CNTRL: variants seen among roughly 807,000 people sequenced by gnomAD.
CNTRL encodes the protein 110 kDa centrosomal protein.
A neutral mutation model predicts 303.7 loss-of-function variants in CNTRL; 233 were observed. The ratio of observed to expected loss-of-function variants is 0.77; its 90% CI spans 0.69 to 0.86. The LOEUF (loss-of-function observed/expected upper bound fraction) is 0.86. Among genes scored for constraint, CNTRL ranks in the 40% least tolerant of loss-of-function variants. CNTRL has a pLI of 0.00. For missense variants in CNTRL, 2,524 were observed against 2,650.6 expected, an observed-to-expected ratio of 0.95 and a Z score of 1.05; for synonymous variants, 900 against 922.2, an observed-to-expected ratio of 0.98 and a Z score of 0.44.
Position 121,177,215 on chromosome 9 carries a change from A to G in CNTRL, c.*29A>G, listed in dbSNP as rs1394285047. On this transcript the variant is annotated 3_prime_UTR_variant, in exon 44 of 44. Transcript: ENST00000373855. ...ATACTGTCTTGTGTAAATATATTCA[A>G]GGAAAACACCTCCACTACCTCACTG... The G allele has an allele frequency of 2.5e-6, 4 of 1,588,656 alleles. No individual in the cohort carries two copies. In the African/African-American group the frequency reaches 4.0e-5, roughly 16 times the overall value.
At chr9:121,157,642 A>C (rs759879879) in intron 28 of CNTRL, 42 bp downstream of exon 28, 1 of 1,606,110 alleles carries the variant, frequency 6.2e-7, no homozygotes, top group Non-Finnish European at 8.5e-7. Context: ...CATTGAGATG[A>C]ATGAAAAGTT....
chr9:121,169,467 G>A (rs1263657634), intron 38 of CNTRL, 144 bp from the exon 39 acceptor site: 14 of 780,186 alleles, frequency 1.8e-5, no homozygotes, highest in Non-Finnish European at 2.9e-5. Context: ...TGTGGGTCAG[G>A]GTAGGCTTGT....
At chr9:121,078,597 C>T (rs1446657359) in intron 1 of CNTRL, among the ~76,000 whole-genome samples, 1 of 152,140 alleles carries the variant, frequency 6.6e-6, no homozygotes, top group Non-Finnish European at 1.5e-5. Context: ...GAGACAGCGT[C>T]ACATCCCTAA....
At chr9:121,081,206 A>C (rs2048126415) in intron 2 of CNTRL, among the ~76,000 whole-genome samples, 1 of 152,198 alleles carries the variant, frequency 6.6e-6, no homozygotes, top group African/African-American at 2.4e-5. Flanking sequence ...GTTTCTGTAT[A>C]ATCACAGCTT....
rs183454635 is a variant in CNTRL, at chr9:121,092,769, T to A, written c.349-2119T>A. ...ATATATAATATATATCTATATATAT[T>A]ATATATATCTATATAGATATGTAAT... On this transcript the variant is annotated intron_variant, in intron 4 of 43. Coordinates refer to ENST00000373855, the MANE Select transcript of CNTRL (RefSeq NM_007018.6). Among the ~76,000 whole-genome samples the A allele has an allele frequency of 2.3e-5, 2 of 85,674 alleles. 1 individual carries two copies. Among genetic ancestry groups the A allele is most frequent in the Non-Finnish European group, 4.6e-5 (2 of 43,592 alleles). 56.2% of individuals were successfully genotyped at this position (85,674 alleles called of 152,430 possible).
intron 11 of CNTRL, among the ~76,000 whole-genome samples, chr9:121,115,988 G>C (rs2049957264): frequency 6.6e-6 from 1 of 151,984 alleles, no homozygotes; most frequent in African/African-American, 2.4e-5. Flanking sequence ...GAACAAAATA[G>C]ACATGTGTCC....
At chr9:121,116,857 C>G (rs2050000318) in intron 11 of CNTRL, among the ~76,000 whole-genome samples, 1 of 152,074 alleles carries the variant, frequency 6.6e-6, no homozygotes, top group Non-Finnish European at 1.5e-5. Flanking sequence ...AAACACTGGA[C>G]AGTAGAACTG....
In CNTRL at chr9:121,175,226, T is replaced by C; in HGVS notation, c.6954+2T>C. The C allele has an allele frequency of 6.2e-7, 1 of 1,613,604 alleles. No individual in the cohort carries two copies. Among genetic ancestry groups the C allele is most frequent in the East Asian group, 2.2e-5 (1 of 44,866 alleles). On this transcript the variant is annotated splice_donor_variant, in intron 43 of 43. Transcript: ENST00000373855. LOFTEE classifies it high-confidence loss of function. ...GACTCTCAACTTGGACAAAATCAGG[T>C]AAGCAGCAGCTCTTTTTAAAAACAA... is the stretch of plus-strand genomic sequence containing the variant.
intron 4 of CNTRL, among the ~76,000 whole-genome samples, chr9:121,092,907 A>G (rs7470129): frequency 0.56 from 55,227 of 98,412 alleles, 18,775 homozygotes; most frequent in South Asian, 0.89. Context: ...CCCTGGTTCA[A>G]GGGATTTTCC....
chr9:121,101,083 T>A (rs903154885), intron 7 of CNTRL, among the ~76,000 whole-genome samples: 4 of 152,190 alleles, frequency 2.6e-5, no homozygotes, highest in African/African-American at 9.7e-5. Context: ...CCACCCCAAA[T>A]CAACAGAACA....
At chr9:121,112,929 C>T (rs990104134) in intron 9 of CNTRL, among the ~76,000 whole-genome samples, 7 of 152,240 alleles carry the variant, frequency 4.6e-5, no homozygotes, top group African/African-American at 1.7e-4. Context: ...TAGTCATCCC[C>T]TTACATGGTT....
In CNTRL at chr9:121,158,105, GC is replaced by G; in HGVS notation, c.4762del (p.Gln1588ArgfsTer2). ...AGAGCCGAGCTGGAAAAGCTGAAAA[GC>G]CAGGTATGGCAATAGACACCTTGAA... The part of the protein sequence containing the change: ...AKRAELEKLK[S>X]QVTSQQQEMA... On this transcript the variant is annotated frameshift_variant, in exon 30 of 44. Transcript: ENST00000373855. LOFTEE classifies it high-confidence loss of function. 1 of 1,613,988 alleles carries G rather than the reference GC, an allele frequency of 6.2e-7. No individual in the cohort carries two copies. Among genetic ancestry groups the G allele is most frequent in the Non-Finnish European group, 8.5e-7 (1 of 1,180,002 alleles).
At chr9:121,083,008 A>G (rs763232561) in intron 2 of CNTRL, among the ~76,000 whole-genome samples, 4 of 151,782 alleles carry the variant, frequency 2.6e-5, no homozygotes, top group Non-Finnish European at 4.4e-5. Flanking sequence ...CAATAAAAAT[A>G]TGGTATAAAA....
chr9:121,088,148 A>G (rs1044269860), intron 2 of CNTRL, 148 bp from the exon 3 acceptor site: 8 of 588,464 alleles, frequency 1.4e-5, no homozygotes, highest in African/African-American at 1.3e-4. Flanking sequence ...TGTTTGATAC[A>G]GTGTCTGCTC....
chr9:121,113,268 C>A (rs1418962008), intron 9 of CNTRL, among the ~76,000 whole-genome samples: 1 of 152,162 alleles, frequency 6.6e-6, no homozygotes, highest in Non-Finnish European at 1.5e-5. Flanking sequence ...CAAACTTTCA[C>A]TCTTCTGTGG....
rs1398705766 is a variant in CNTRL at position 121,125,711 on chromosome 9, C to G, written c.1805-5C>G. The G allele has an allele frequency of 8.1e-6, 13 of 1,612,316 alleles. No individual in the cohort carries two copies. The highest frequency in any genetic ancestry group is 1.0e-5 in the Non-Finnish European group (12 of 1,179,250). Reference sequence around the variant, plus strand: ...ATATTATTACCCTTTTTGCATCTTGCTTAGGCCAGATAGCAGCAAATGAAG... The same window carrying G: ...ATATTATTACCCTTTTTGCATCTTGGTTAGGCCAGATAGCAGCAAATGAAG... On this transcript the variant is annotated splice_polypyrimidine_tract_variant and splice_region_variant and intron_variant, in intron 13 of 43. Transcript: ENST00000373855.
intron 34 of CNTRL, among the ~76,000 whole-genome samples, chr9:121,162,870 A>G (rs2052916176): frequency 6.6e-6 from 1 of 152,216 alleles, no homozygotes; most frequent in African/African-American, 2.4e-5. Context: ...CAGAATAGAA[A>G]GTCTAGAAAT....
chr9:121,162,320 G>A (rs768552374), intron 34 of CNTRL, 49 bp downstream of exon 34: 1 of 1,500,952 alleles, frequency 6.7e-7, no homozygotes. Context: ...TCAGGCCAAA[G>A]CATTATAAAC....
At chr9:121,131,147 C>G (rs192092977) in intron 14 of CNTRL, among the ~76,000 whole-genome samples, 33 of 152,314 alleles carry the variant, frequency 2.2e-4, no homozygotes, top group Non-Finnish European at 3.8e-4. Context: ...TCTATTAGGT[C>G]TGCTTGGTGC....
Sources: allele counts gnomAD v4.1 joint callset (sites outside exome capture counted in the v4.1 genomes callset), GRCh38; gene constraint gnomAD v4.1.1; transcripts MANE v1.5; gene names NCBI Gene and HGNC (gene_info 2026-07-23, HGNC 2026-07-21).